Variants in CACNA1D observed in about 807,000 individuals in gnomAD.
CACNA1D encodes the protein calcium voltage-gated channel subunit alpha1 D.
In CACNA1D, 55 loss-of-function variants were observed where a neutral mutation model predicts 257.1. The ratio of observed to expected loss-of-function variants is 0.21; its 90% CI spans 0.17 to 0.27. CACNA1D has a LOEUF of 0.27. CACNA1D is among the 10% of genes least tolerant of loss of function. The pLI, the probability that CACNA1D is intolerant of heterozygous loss-of-function variation, is 1.00. For missense variants in CACNA1D, 1,876 were observed against 2,784.0 expected (o/e 0.67, Z 7.34); for synonymous variants, 980 against 1,014.9 (o/e 0.97, Z 0.65).
intron 30 of CACNA1D, chr3:53,766,020 C>G (rs2095330099): frequency 6.6e-6 from 1 of 152,250 alleles, no homozygotes; most frequent in South Asian, 2.1e-4. Context: ...GTCCCTAACC[C>G]ATGGATGGCT....
chr3:53,689,901 C>T (rs990357182), intron 8 of CACNA1D, among the ~76,000 whole-genome samples: 5 of 152,164 alleles, frequency 3.3e-5, no homozygotes, highest in Non-Finnish European at 1.5e-5. Flanking sequence ...CTCAAGCTAT[C>T]CTCCTGCCTT....
chr3:53,629,025 A>T (rs1703473308), intron 3 of CACNA1D, among the ~76,000 whole-genome samples: 1 of 152,230 alleles, frequency 6.6e-6, no homozygotes, highest in African/African-American at 2.4e-5. Context: ...TTCTGTAAAG[A>T]ATTGAATAGT....
rs542515118 is a variant in CACNA1D at position 53,669,447 on chromosome 3, A to C, written c.1116+2912A>C. On this transcript the variant is annotated intron_variant, in intron 7 of 47. Coordinates refer to ENST00000350061, the MANE Select transcript of CACNA1D (RefSeq NM_001128840.3). ...CATAAAGGGGACATCTTGGGAGATAAAAAGAGATTAGATTTTAAATATTGA... is the reference window on the plus strand; with the variant it reads ...CATAAAGGGGACATCTTGGGAGATACAAAGAGATTAGATTTTAAATATTGA... 3.3e-5 allele frequency among the ~76,000 whole-genome samples: 5 copies of C among 152,378 alleles called. No homozygotes were observed. In the South Asian group the frequency reaches 1.0e-3, roughly 32 times the overall value.
rs150147528 is a variant in CACNA1D at position 53,745,655 on chromosome 3, G to A, written c.3038G>A (p.Arg1013Gln). ...GTCCAGTGCGTCTTCGTGGCCATCC[G>A]GACCATCGGCAACATCATGATCGTC... is the stretch of plus-strand genomic sequence containing the variant. Reference protein sequence around the residue: ...HVVQCVFVAIRTIGNIMIVTT... With the variant: ...HVVQCVFVAIQTIGNIMIVTT... The change falls in exon 24 of 48, where the codon CGG (arginine) becomes CAG (glutamine). Residue 1013 changes from arginine to glutamine, a missense_variant. By Grantham distance (43) the Arg-to-Gln change is conservative. Coordinates refer to ENST00000350061, the MANE Select transcript of CACNA1D (RefSeq NM_001128840.3). 136 of 1,613,846 alleles carry A rather than the reference G, an allele frequency of 8.4e-5. No individual in the cohort carries two copies. The highest frequency in any genetic ancestry group is 1.3e-4 in the Admixed American group (8 of 60,000).
At chr3:53,524,976 G>A (rs1223570218) in intron 3 of CACNA1D, among the ~76,000 whole-genome samples, 2 of 152,132 alleles carry the variant, frequency 1.3e-5, no homozygotes, top group South Asian at 2.1e-4. Context: ...GGAGAGGCTC[G>A]GGAGAGTGGA....
chr3:53,697,698 C>T (rs999975100), intron 8 of CACNA1D, among the ~76,000 whole-genome samples: 2 of 152,124 alleles, frequency 1.3e-5, no homozygotes, highest in African/African-American at 2.4e-5. Flanking sequence ...TGTTATCTAT[C>T]CATAAGACAT....
chr3:53,666,057 A>G lies in CACNA1D; in HGVS notation c.919+245A>G, dbSNP rs138827084. 7.6e-3 allele frequency among the ~76,000 whole-genome samples: 1,160 copies of G among 151,974 alleles called. 18 individuals carry two copies. Among genetic ancestry groups the G allele is most frequent in the Non-Finnish European group, 8.0e-3 (541 of 68,026 alleles). On this transcript the variant is annotated intron_variant, in intron 6 of 47. Transcript: ENST00000350061. ...ACAAGATAAGAGACCTCCAAAGTAA[A>G]AACATGAGGCAAACCAACAGCATTG... is the stretch of plus-strand genomic sequence containing the variant.
chr3:53,561,760 A>G (rs1336902218), intron 3 of CACNA1D, among the ~76,000 whole-genome samples: 2 of 152,142 alleles, frequency 1.3e-5, no homozygotes, highest in Non-Finnish European at 2.9e-5. Context: ...TGCTTGAGAA[A>G]CTGGGCCTTG....
chr3:53,555,425 C>CT (rs1186516852), intron 3 of CACNA1D, among the ~76,000 whole-genome samples: 1 of 130,054 alleles, frequency 7.7e-6, no homozygotes, highest in East Asian at 2.3e-4. Context: ...TCTCTGGCTG[C>CT]TTTTTCTGGT....
rs144747500 is a variant in CACNA1D at position 53,551,725 on chromosome 3, G to A, written c.483+50005G>A. Among the ~76,000 whole-genome samples the A allele has an allele frequency of 1.9e-3, 295 of 152,288 alleles. 1 individual carries two copies. The highest frequency in any genetic ancestry group is 6.9e-3 in the African/African-American group (286 of 41,558). On this transcript the variant is annotated intron_variant, in intron 3 of 47. Transcript: ENST00000350061. ...TTTTAGTTAGGAAAGAAGGTCCAAA[G>A]CAAAAGAAAGGAAACACAGGGTGTG... is the stretch of plus-strand genomic sequence containing the variant.
At chr3:53,778,918 T>C (rs190287475) in intron 37 of CACNA1D, among the ~76,000 whole-genome samples, 1 of 152,380 alleles carries the variant, frequency 6.6e-6, no homozygotes, top group East Asian at 1.9e-4. Flanking sequence ...GGAATAGTAA[T>C]GGATCCCGTC....
intron 30 of CACNA1D, among the ~76,000 whole-genome samples, chr3:53,767,915 C>T (rs2095343509): frequency 6.6e-6 from 1 of 152,202 alleles, no homozygotes; most frequent in Non-Finnish European, 1.5e-5. Context: ...TGCATGAAGC[C>T]TGGTGTGCTG....
intron 3 of CACNA1D, among the ~76,000 whole-genome samples, chr3:53,637,854 T>C (rs2093903382): frequency 6.6e-6 from 1 of 152,250 alleles, no homozygotes; most frequent in Non-Finnish European, 1.5e-5. Flanking sequence ...CCAATGTCTC[T>C]TAATTAACTT....
At chr3:53,722,162 A>G (rs2108710846) in intron 11 of CACNA1D, 152 bp from the exon 12 acceptor site, 1 of 717,126 alleles carries the variant, frequency 1.4e-6, no homozygotes, top group South Asian at 1.7e-5. Context: ...AAGTCTGTTA[A>G]TTTCTGTGCC....
rs144069285 is a variant in CACNA1D at position 53,567,201 on chromosome 3, C to T, written c.483+65481C>T. ...AGGCATGGTACCCCAACTCAGCACACACTCACTAATAATTCATCGCTAAAG... is the reference window on the plus strand; with the variant it reads ...AGGCATGGTACCCCAACTCAGCACATACTCACTAATAATTCATCGCTAAAG... On this transcript the variant is annotated intron_variant, in intron 3 of 47. Coordinates refer to ENST00000350061, the MANE Select transcript of CACNA1D (RefSeq NM_001128840.3). Among the ~76,000 whole-genome samples, 358 of 152,340 alleles carry T rather than the reference C, an allele frequency of 2.4e-3. 3 individuals carry two copies. The highest frequency in any genetic ancestry group is 8.1e-3 in the African/African-American group (335 of 41,578).
intron 3 of CACNA1D, among the ~76,000 whole-genome samples, chr3:53,583,555 T>TGCA (rs1306335612): frequency 1.3e-5 from 2 of 152,200 alleles, no homozygotes; most frequent in Non-Finnish European, 2.9e-5. Flanking sequence ...CTGAGGGGTC[T>TGCA]GCAGCAGCAG....
chr3:53,562,989 C>T (rs1302792828), intron 3 of CACNA1D, among the ~76,000 whole-genome samples: 2 of 152,180 alleles, frequency 1.3e-5, no homozygotes, highest in African/African-American at 4.8e-5. Context: ...AATCTGTGAC[C>T]ACTTGGCCTG....
intron 8 of CACNA1D, among the ~76,000 whole-genome samples, chr3:53,700,516 A>T (rs1476059577): frequency 6.6e-6 from 1 of 152,218 alleles, no homozygotes; most frequent in African/African-American, 2.4e-5. Context: ...GAATTTACCT[A>T]GAGCTGAGTT....
chr3:53,776,956 G>C lies in CACNA1D; in HGVS notation c.4587G>C (p.Lys1529Asn), dbSNP rs2095401301. ...GKLCPHRVAC[K>N]RLVAMNMPLN... ...TATGTCCACACAGGGTAGCGTGCAA[G>C]GTGAGTGTCCTGTGTGCGTGTCTGA... The change falls in exon 37 of 48, where the codon AAG (lysine) becomes AAC (asparagine). Residue 1529 changes from lysine (K) to asparagine (N), a missense_variant and splice_region_variant. Physicochemically the swap from Lys to Asn is moderately conservative, Grantham distance 94. Coordinates refer to ENST00000350061, the MANE Select transcript of CACNA1D (RefSeq NM_001128840.3). The C allele has an allele frequency of 6.2e-7, 1 of 1,610,794 alleles. No individual in the cohort carries two copies. Among genetic ancestry groups the C allele is most frequent in the Non-Finnish European group, 8.5e-7 (1 of 1,177,068 alleles).
Sources: allele counts gnomAD v4.1 joint callset (sites outside exome capture counted in the v4.1 genomes callset), GRCh38; gene constraint gnomAD v4.1.1; transcripts MANE v1.5; gene names NCBI Gene and HGNC (gene_info 2026-07-23, HGNC 2026-07-21).